SPON1: variants seen among roughly 807,000 people sequenced by gnomAD.
The protein encoded by SPON1 is spondin 1.
In SPON1, 52 loss-of-function variants were observed where a neutral mutation model predicts 111.7. The observed-to-expected ratio is 0.47, with a 90% CI of 0.37 to 0.59. The LOEUF (loss-of-function observed/expected upper bound fraction) is 0.59. Ranked by LOEUF, SPON1 falls within the 20% of genes least tolerant of loss-of-function variation. The probability of loss-of-function intolerance (pLI) is 0.00; values close to 1 mark genes in which losing one functional copy is unlikely to be tolerated. For missense variants in SPON1, 957 were observed against 1,068.5 expected, an observed-to-expected ratio of 0.90 and a Z score of 1.46; for synonymous variants, 410 against 395.8, an observed-to-expected ratio of 1.04 and a Z score of -0.43.
intron 8 of SPON1, among the ~76,000 whole-genome samples, 152 bp downstream of exon 8, chr11:14,254,881 T>C: frequency 6.6e-6 from 1 of 151,986 alleles, no homozygotes; most frequent in East Asian, 1.9e-4. Flanking sequence ...ACATATGGTG[T>C]AATTTGGGCT....
chr11:14,056,909 T>A (rs1554919232), intron 3 of SPON1, among the ~76,000 whole-genome samples: 1 of 151,332 alleles, frequency 6.6e-6, no homozygotes, highest in East Asian at 1.9e-4. Context: ...AATTAATTAA[T>A]CAATTAAATA....
chr11:14,026,176 A>G (rs1191331689), intron 2 of SPON1, among the ~76,000 whole-genome samples: 1 of 151,880 alleles, frequency 6.6e-6, no homozygotes, highest in Non-Finnish European at 1.5e-5. Flanking sequence ...ATTCCCCCCA[A>G]CCCTCCACCT....
rs1849046497 is a variant in SPON1 at position 14,090,824 on chromosome 11, G to GCCA, written c.676+10805_676+10806insACC. Among the ~76,000 whole-genome samples the GCCA allele has an allele frequency of 4.2e-3, 192 of 45,576 alleles. 6 individuals are homozygous for GCCA. The highest frequency in any genetic ancestry group is 5.6e-3 in the Non-Finnish European group (144 of 25,682). The allele number at this position is 45,576 out of a possible 152,430, so 29.9% of individuals were successfully genotyped here. A position where few individuals can be genotyped will look rare whatever the true frequency, so the allele number is the denominator to read the frequency against. On this transcript the variant is annotated intron_variant, in intron 5 of 15. Coordinates refer to ENST00000576479, the MANE Select transcript of SPON1 (RefSeq NM_006108.4). ...CAGCCTGCTTTTATTCTCTTATCTG[G>GCCA]CCCCCCCCCCCCCCCCCCCCGCCCA...
chr11:13,970,601 C>A (rs1393879147), intron 1 of SPON1, among the ~76,000 whole-genome samples: 4 of 152,130 alleles, frequency 2.6e-5, no homozygotes, highest in African/African-American at 9.7e-5. Flanking sequence ...TCCTCTTCCT[C>A]CTCCTCCTCC....
At chr11:14,206,847 C>G (rs1270970551) in intron 6 of SPON1, among the ~76,000 whole-genome samples, 1 of 152,090 alleles carries the variant, frequency 6.6e-6, no homozygotes, top group Non-Finnish European at 1.5e-5. Flanking sequence ...TCCTATTAAA[C>G]TACCACTGAG....
intron 6 of SPON1, among the ~76,000 whole-genome samples, chr11:14,182,781 A>G (rs1406140943): frequency 6.6e-6 from 1 of 152,092 alleles, no homozygotes; most frequent in African/African-American, 2.4e-5. Context: ...AGGTCAACAC[A>G]CTCCAGCGCT....
chr11:14,147,562 C>T (rs1554929457), intron 6 of SPON1, among the ~76,000 whole-genome samples: 1 of 151,932 alleles, frequency 6.6e-6, no homozygotes, highest in Admixed American at 6.6e-5. Context: ...GGATTACAGG[C>T]ACCCACCACC....
At position 14,069,594 on chromosome 11, in the gene SPON1, C is replaced by T. The variant is rs146851909; in HGVS notation, c.480-5751C>T. Among the ~76,000 whole-genome samples, 3 of 152,186 alleles carry T rather than the reference C, an allele frequency of 2.0e-5. No homozygotes were observed. In the East Asian group the frequency reaches 5.8e-4, roughly 29 times the overall value. On this transcript the variant is annotated intron_variant, in intron 3 of 15. Transcript: ENST00000576479. ...CTTTTTCTGTTTATCTCTTTTCACC[C>T]ACTAGCATAGGAGCTCCTTGCTGGA...
intron 5 of SPON1, among the ~76,000 whole-genome samples, chr11:14,106,406 A>G (rs1347109710): frequency 2.6e-5 from 4 of 152,186 alleles, no homozygotes; most frequent in African/African-American, 9.7e-5. Flanking sequence ...TGCCAAAGCT[A>G]GTGTCATTTA....
chr11:14,211,887 C>G (rs560032135), intron 6 of SPON1, among the ~76,000 whole-genome samples: 2 of 151,398 alleles, frequency 1.3e-5, no homozygotes, highest in Admixed American at 1.3e-4. Context: ...TGCAGTTTGT[C>G]TAAAGCAATA....
chr11:14,026,489 C>T (rs970582337), intron 2 of SPON1, among the ~76,000 whole-genome samples: 6 of 152,196 alleles, frequency 3.9e-5, no homozygotes, highest in East Asian at 3.8e-4. Context: ...CATGCTTTTA[C>T]GTCCTAAAGA....
At chr11:14,233,960 A>G (rs1848833736) in intron 6 of SPON1, among the ~76,000 whole-genome samples, 1 of 151,662 alleles carries the variant, frequency 6.6e-6, no homozygotes, top group African/African-American at 2.4e-5. Flanking sequence ...GGGTTTCACC[A>G]TGTTGGCCAG....
intron 2 of SPON1, among the ~76,000 whole-genome samples, chr11:14,008,217 A>T (rs1848378322): frequency 6.6e-6 from 1 of 152,222 alleles, no homozygotes; most frequent in African/African-American, 2.4e-5. Context: ...TAATCTGGAG[A>T]TGCTTTAAAG....
intron 2 of SPON1, among the ~76,000 whole-genome samples, chr11:14,040,118 C>T (rs1176906181): frequency 6.6e-6 from 1 of 152,128 alleles, no homozygotes; most frequent in Non-Finnish European, 1.5e-5. Flanking sequence ...ATTAATATGA[C>T]TATACCCACA....
chr11:14,115,999 G>T (rs1190783943), intron 5 of SPON1, among the ~76,000 whole-genome samples: 1 of 152,008 alleles, frequency 6.6e-6, no homozygotes, highest in Non-Finnish European at 1.5e-5. Flanking sequence ...GTACTTTTTT[G>T]AATTTTGCCT....
At chr11:14,050,206 A>C (rs1048533095) in intron 3 of SPON1, among the ~76,000 whole-genome samples, 2 of 152,242 alleles carry the variant, frequency 1.3e-5, no homozygotes, top group African/African-American at 4.8e-5. Context: ...CTAACTCTGT[A>C]TATTTCTAGC....
At chr11:14,102,650 G>A (rs921932548) in intron 5 of SPON1, among the ~76,000 whole-genome samples, 1 of 152,142 alleles carries the variant, frequency 6.6e-6, no homozygotes, top group African/African-American at 2.4e-5. Flanking sequence ...GTTCAATCTG[G>A]AATGGTTCTT....
At chr11:14,080,625 C>A (rs1554921965) in intron 5 of SPON1, among the ~76,000 whole-genome samples, 1 of 152,188 alleles carries the variant, frequency 6.6e-6, no homozygotes, top group Non-Finnish European at 1.5e-5. Context: ...AATCCCCCTG[C>A]AATGACCCTG....
At chr11:14,115,156 C>T (rs782238047) in intron 5 of SPON1, among the ~76,000 whole-genome samples, 2 of 152,180 alleles carry the variant, frequency 1.3e-5, no homozygotes, top group African/African-American at 4.8e-5. Context: ...AGGAAACTTT[C>T]AGTTTTCATC....
Sources: gnomAD v4.1 joint callset for allele counts (sites outside exome capture counted in the v4.1 genomes callset) on GRCh38, gnomAD v4.1.1 for gene constraint, MANE v1.5 for transcripts, NCBI Gene and HGNC (gene_info 2026-07-23, HGNC 2026-07-21) for gene names.